The following PTPRC variants were observed in gnomAD, a reference collection of about 807,000 sequenced individuals.
PTPRC encodes the protein receptor-type tyrosine-protein phosphatase C.
A neutral mutation model predicts 155.9 loss-of-function variants in PTPRC; 44 were observed. The ratio of observed to expected loss-of-function variants is 0.28; its 90% CI spans 0.22 to 0.36. The LOEUF (loss-of-function observed/expected upper bound fraction) is 0.36. Ranked by LOEUF, PTPRC falls within the 10% of genes least tolerant of loss-of-function variation. PTPRC has a pLI of 1.00. For synonymous variants in PTPRC, 525 were observed against 533.1 expected (o/e 0.98, Z 0.21); for missense variants, 1,401 against 1,564.6 (o/e 0.90, Z 1.76).
At chr1:198,752,824 C>A in intron 31 of PTPRC, 52 bp downstream of exon 31, 1 of 1,569,244 alleles carries the variant, frequency 6.4e-7, no homozygotes, top group South Asian at 1.1e-5. Context: ...CTTGACTTCT[C>A]GGTTCACATG....
chr1:198,757,323 C>A lies in PTPRC; in HGVS notation c.*1142C>A, dbSNP rs114548539. 4.0e-5 allele frequency: 6 copies of A among 151,276 alleles called. No individual in the cohort carries two copies. The highest frequency in any genetic ancestry group is 7.4e-5 in the Non-Finnish European group (5 of 67,694). 9.4% of individuals were successfully genotyped at this position (151,276 alleles called of 1,614,324 possible). On this transcript the variant is annotated 3_prime_UTR_variant, in exon 33 of 33. Coordinates refer to ENST00000442510, the MANE Select transcript of PTPRC (RefSeq NM_002838.5). ...TGTTCAAATATGAAATGTGTATGCA[C>A]CTATTGAAATATGTTTAATGCATTT...
rs952658135 is a variant in PTPRC, at chr1:198,708,043, T to A, written c.905-90T>A. 3 of 1,229,694 alleles carry A rather than the reference T, an allele frequency of 2.4e-6. No homozygotes were observed. The African/African-American group carries it at 4.5e-5, about 18-fold the overall frequency. 76.2% of individuals were successfully genotyped at this position (1,229,694 alleles called of 1,614,324 possible). A position where few individuals can be genotyped will look rare whatever the true frequency, so the allele number is the denominator to read the frequency against. ...TTCTATGTCATTAGCATAATTTCAG[T>A]GGCTTTAACTGACATGTTAGGAATG... On this transcript the variant is annotated intron_variant, in intron 9 of 32. Transcript: ENST00000442510.
chr1:198,723,984 A>G (rs1357379240), intron 15 of PTPRC, among the ~76,000 whole-genome samples: 1 of 152,168 alleles, frequency 6.6e-6, no homozygotes, highest in Non-Finnish European at 1.5e-5. Context: ...CAAAGCTGGT[A>G]CTTCCCATGA....
chr1:198,724,694 C>A (rs1199226272), intron 15 of PTPRC, among the ~76,000 whole-genome samples: 2 of 152,050 alleles, frequency 1.3e-5, no homozygotes, highest in Non-Finnish European at 2.9e-5. Context: ...CTCTCTCTCT[C>A]TCTCTCTCTT....
intron 2 of PTPRC, among the ~76,000 whole-genome samples, chr1:198,690,463 A>C (rs2102362524): frequency 6.6e-6 from 1 of 152,242 alleles, no homozygotes; most frequent in East Asian, 1.9e-4. Flanking sequence ...TCAATTAAAA[A>C]CAATATTTAA....
intron 3 of PTPRC, chr1:198,694,166 G>C: frequency 1.3e-6 from 2 of 1,495,352 alleles, no homozygotes; most frequent in Non-Finnish European, 1.8e-6. Context: ...CAAAAGCTGA[G>C]GAACTTGGAG....
At chr1:198,691,147 AGT>A (rs1665903883) in intron 2 of PTPRC, among the ~76,000 whole-genome samples, 1 of 152,096 alleles carries the variant, frequency 6.6e-6, no homozygotes, top group South Asian at 2.1e-4. Flanking sequence ...TCTTTTATGT[AGT>A]TCGGTGATCT....
At chr1:198,714,108 G>A (rs533856296) in intron 12 of PTPRC, among the ~76,000 whole-genome samples, 2 of 152,228 alleles carry the variant, frequency 1.3e-5, no homozygotes, top group African/African-American at 4.8e-5. Context: ...ATTCCAGGAA[G>A]ATAAAACAGC....
intron 31 of PTPRC, among the ~76,000 whole-genome samples, 167 bp from the exon 32 acceptor site, chr1:198,754,102 T>TA (rs554860339): frequency 2.3e-4 from 35 of 152,186 alleles, no homozygotes; most frequent in African/African-American, 6.5e-4. Context: ...AAAATTTGCC[T>TA]AAAAATGCAT....
intron 2 of PTPRC, among the ~76,000 whole-genome samples, chr1:198,682,291 C>T (rs1438304624): frequency 2.6e-5 from 4 of 152,128 alleles, no homozygotes; most frequent in Non-Finnish European, 2.9e-5. Flanking sequence ...TCAGCCTTTG[C>T]TTTTATTGTC....
At chr1:198,688,641 A>C (rs1665763799) in intron 2 of PTPRC, among the ~76,000 whole-genome samples, 1 of 152,194 alleles carries the variant, frequency 6.6e-6, no homozygotes, top group African/African-American at 2.4e-5. Context: ...TTTAATCTGC[A>C]TATCTATTTT....
intron 11 of PTPRC, among the ~76,000 whole-genome samples, chr1:198,712,090 G>A (rs1048609550): frequency 3.3e-4 from 50 of 152,172 alleles, no homozygotes; most frequent in African/African-American, 1.2e-3. Context: ...CAGCCCAAAT[G>A]TGTATTCACT....
chr1:198,708,269 T>A lies in PTPRC; in HGVS notation c.1033+8T>A, dbSNP rs559113980. On this transcript the variant is annotated splice_region_variant and intron_variant, in intron 10 of 32. Transcript: ENST00000442510. ...CCTACAGATTTCAGTGTGGTAAGAATATAACATTGACCAGAGAATTTTTTT... is the reference window on the plus strand; with the variant it reads ...CCTACAGATTTCAGTGTGGTAAGAAAATAACATTGACCAGAGAATTTTTTT... 3 of 1,602,208 alleles carry A rather than the reference T, an allele frequency of 1.9e-6. No individual in the cohort carries two copies. The highest frequency in any genetic ancestry group is 2.6e-6 in the Non-Finnish European group (3 of 1,171,788).
At chr1:198,666,288 C>G (rs958931320) in intron 2 of PTPRC, among the ~76,000 whole-genome samples, 3 of 148,892 alleles carry the variant, frequency 2.0e-5, no homozygotes, top group African/African-American at 7.4e-5. Context: ...TTGTGGACAT[C>G]TATTCATGGA....
At chr1:198,647,707 C>T (rs1461683606) in intron 2 of PTPRC, among the ~76,000 whole-genome samples, 1 of 151,798 alleles carries the variant, frequency 6.6e-6, no homozygotes, top group African/African-American at 2.4e-5. Flanking sequence ...TTCCAGTTCT[C>T]AGGATCTAAA....
chr1:198,680,685 G>A (rs1174396819), intron 2 of PTPRC, among the ~76,000 whole-genome samples: 22 of 151,908 alleles, frequency 1.4e-4, no homozygotes. Context: ...TAGAAACTGA[G>A]TATAAACATT....
intron 2 of PTPRC, chr1:198,657,823 T>C (rs919488380): frequency 1.4e-4 from 21 of 152,208 alleles, no homozygotes; most frequent in African/African-American, 5.1e-4. Context: ...GCTTTACTCC[T>C]GAATGAACAC....
intron 12 of PTPRC, among the ~76,000 whole-genome samples, chr1:198,713,544 T>G (rs1378244103): frequency 1.3e-5 from 2 of 152,024 alleles, no homozygotes; most frequent in African/African-American, 4.8e-5. Flanking sequence ...TGGTGTAATC[T>G]TGGGAGCATA....
chr1:198,751,284 A>C (rs1230025538), intron 29 of PTPRC, among the ~76,000 whole-genome samples: 3 of 151,970 alleles, frequency 2.0e-5, no homozygotes, highest in Non-Finnish European at 4.4e-5. Context: ...TTTTTACTTA[A>C]TGCTTGTGAC....
Sources: allele counts gnomAD v4.1 joint callset (sites outside exome capture counted in the v4.1 genomes callset), GRCh38; gene constraint gnomAD v4.1.1; transcripts MANE v1.5; gene names NCBI Gene and HGNC (gene_info 2026-07-23, HGNC 2026-07-21).